The following USP6NL variants were observed in gnomAD, a reference collection of about 807,000 sequenced individuals.
USP6NL encodes USP6 N-terminal like, also known as USP6 N-terminal-like protein.
In USP6NL, 26 loss-of-function variants were observed where a neutral mutation model predicts 61.9. That is an observed-to-expected ratio of 0.42 (90% CI 0.31 to 0.58). The LOEUF (loss-of-function observed/expected upper bound fraction) is 0.58. USP6NL is among the 20% of genes least tolerant of loss of function. The pLI is 0.16. For missense variants in USP6NL, 1,114 were observed against 1,034.3 expected, an observed-to-expected ratio of 1.08 and a Z score of -1.06; for synonymous variants, 432 against 390.1, an observed-to-expected ratio of 1.11 and a Z score of -1.27.
rs1385883805 is a variant in USP6NL at position 11,575,680 on chromosome 10, C to A, written c.4+21951G>T. On this transcript the variant is annotated intron_variant, in intron 2 of 14. Coordinates refer to ENST00000609104, the MANE Select transcript of USP6NL (RefSeq NM_014688.5). This position sits in a 1 kb window ranked among gnomAD's most constrained non-coding sequence, Gnocchi z 4.2. ...GTTCACTACTGTCAATGCTTAGCTTCTGCTAAGCAATCAATAGCTTTTTCT... is the reference window on the plus strand; with the variant it reads ...GTTCACTACTGTCAATGCTTAGCTTATGCTAAGCAATCAATAGCTTTTTCT... 2.0e-5 allele frequency among the ~76,000 whole-genome samples: 3 copies of A among 152,214 alleles called. No individual in the cohort carries two copies.
At chr10:11,519,257 T>C (rs1835101835) in intron 4 of USP6NL, among the ~76,000 whole-genome samples, 1 of 152,212 alleles carries the variant, frequency 6.6e-6, no homozygotes, top group Non-Finnish European at 1.5e-5. Context: ...TAATCAATGA[T>C]TGTTTAAAAA....
intron 4 of USP6NL, among the ~76,000 whole-genome samples, chr10:11,521,715 T>G (rs1835215528): frequency 6.6e-6 from 1 of 150,910 alleles, no homozygotes; most frequent in Non-Finnish European, 1.5e-5. Context: ...ACCTTTATTC[T>G]GCATATCATA....
intron 2 of USP6NL, among the ~76,000 whole-genome samples, chr10:11,554,303 A>G (rs989679476): frequency 1.3e-5 from 2 of 152,228 alleles, no homozygotes; most frequent in African/African-American, 4.8e-5. Context: ...GATCCTACAG[A>G]AAAAGAAAGC....
chr10:11,506,903 C>T (rs1054075698), intron 6 of USP6NL, among the ~76,000 whole-genome samples: 1 of 152,046 alleles, frequency 6.6e-6, no homozygotes, highest in Non-Finnish European at 1.5e-5. Flanking sequence ...AAAAAAAATG[C>T]TAGTTTTTTT....
rs1835712577 is a variant in USP6NL, at chr10:11,532,868, A to G, written c.5-5301T>C. Among the ~76,000 whole-genome samples, 1 of 152,262 alleles carries G rather than the reference A, an allele frequency of 6.6e-6. No individual in the cohort carries two copies. Among genetic ancestry groups the G allele is most frequent in the South Asian group, 2.1e-4 (1 of 4,830 alleles). ...CGTTTTTAACAAACCACACACACAT[A>G]CAAGTAAAACAAATGTCTCATGAAA... On this transcript the variant is annotated intron_variant, in intron 2 of 14. Coordinates refer to ENST00000609104, the MANE Select transcript of USP6NL (RefSeq NM_014688.5). The surrounding 1 kb of genome is among the most constrained non-coding windows in gnomAD (Gnocchi z 4.1).
At position 11,487,565 on chromosome 10, in the gene USP6NL, G is replaced by GC. The variant is rs1466468366; in HGVS notation, c.664+1536dup. On this transcript the variant is annotated intron_variant, in intron 10 of 14. Transcript: ENST00000609104. This position sits in a 1 kb window ranked among gnomAD's most constrained non-coding sequence, Gnocchi z 4.2. ...TTCTATTGTACCTCAAGACAGATCA[G>GC]CAACACAATCCCACGGGAAAGCAAA... is the stretch of plus-strand genomic sequence containing the variant. 6.6e-6 allele frequency among the ~76,000 whole-genome samples: 1 copy of GC among 152,170 alleles called. No individual in the cohort carries two copies. The highest frequency in any genetic ancestry group is 2.4e-5 in the African/African-American group (1 of 41,424).
At position 11,585,372 on chromosome 10, in the gene USP6NL, G is replaced by A. The variant is rs567707505; in HGVS notation, c.4+12259C>T. ...TACAGACCCAGAAGAATTGAAAGCA[G>A]GGTTCCAAAGATGTATTTGTACACC... On this transcript the variant is annotated intron_variant, in intron 2 of 14. Coordinates refer to ENST00000609104, the MANE Select transcript of USP6NL (RefSeq NM_014688.5). The surrounding 1 kb of genome is among the most constrained non-coding windows in gnomAD (Gnocchi z 4.5). 3.3e-5 allele frequency among the ~76,000 whole-genome samples: 5 copies of A among 152,290 alleles called. No individual in the cohort carries two copies. In the South Asian group the frequency reaches 1.0e-3, roughly 32 times the overall value.
At chr10:11,533,838 A>C (rs751368824) in intron 2 of USP6NL, among the ~76,000 whole-genome samples, 1 of 152,206 alleles carries the variant, frequency 6.6e-6, no homozygotes, top group Non-Finnish European at 1.5e-5. Context: ...TCTTTGAAAA[A>C]AGAATTTGAG....
rs1564249935 is a variant in USP6NL, at chr10:11,611,634, C to A, written c.-275G>T. The A allele has an allele frequency of 6.5e-6, 1 of 152,844 alleles. No homozygotes were observed. The highest frequency in any genetic ancestry group is 2.4e-5 in the African/African-American group (1 of 41,400). The allele number at this position is 152,844 out of a possible 1,614,324, so 9.5% of individuals were successfully genotyped here. A position where few individuals can be genotyped will look rare whatever the true frequency, so the allele number is the denominator to read the frequency against. On this transcript the variant is annotated 5_prime_UTR_variant, in exon 1 of 15. Transcript: ENST00000609104. The surrounding 1 kb of genome is among the most constrained non-coding windows in gnomAD (Gnocchi z 5.3). ...AACCAGGAAGTTCCCCGGCGCGACA[C>A]CTCCTGCCGCCGCTATGGAAACGGC...
Position 11,532,204 on chromosome 10 carries a change from TG to T in USP6NL, c.5-4638del. On this transcript the variant is annotated intron_variant, in intron 2 of 14. Transcript: ENST00000609104. This position sits in a 1 kb window ranked among gnomAD's most constrained non-coding sequence, Gnocchi z 4.1. ...CTTTGTGAGATAATCAGTCTGGCCT[TG>T]GGAATTAACAACAGCTTCAGTCCTC... 6.2e-7 allele frequency: 1 copy of T among 1,604,012 alleles called. No homozygotes were observed. The highest frequency in any genetic ancestry group is 8.5e-7 in the Non-Finnish European group (1 of 1,174,472).
chr10:11,554,975 T>TTTTTTTTTTTTTTTTTTTTTC (rs1836627419), intron 2 of USP6NL, among the ~76,000 whole-genome samples: 1 of 147,560 alleles, frequency 6.8e-6, no homozygotes, highest in African/African-American at 2.5e-5. Flanking sequence ...AATTTTTTTT[T>TTTTTTTTTTTTTTTTTTTTTC]TTTTTTTTTT....
At position 11,598,879 on chromosome 10, in the gene USP6NL, G is replaced by C. The variant is rs1385383755; in HGVS notation, c.-83-1162C>G. On this transcript the variant is annotated intron_variant, in intron 1 of 14. Transcript: ENST00000609104. This position sits in a 1 kb window ranked among gnomAD's most constrained non-coding sequence, Gnocchi z 4.7. ...GACTGCATCAGCACTTACGTGCCCA[G>C]CATGGCCCGCACACTGTAATTAGCA... Among the ~76,000 whole-genome samples, 1 of 152,238 alleles carries C rather than the reference G, an allele frequency of 6.6e-6. No individual in the cohort carries two copies. Among genetic ancestry groups the C allele is most frequent in the East Asian group, 1.9e-4 (1 of 5,198 alleles).
chr10:11,539,604 A>G (rs1186237396), intron 2 of USP6NL, among the ~76,000 whole-genome samples: 2 of 152,256 alleles, frequency 1.3e-5, no homozygotes, highest in African/African-American at 4.8e-5. Flanking sequence ...GAATGACAAA[A>G]TTGCCAACAA....
chr10:11,478,689 G>C lies in USP6NL; in HGVS notation c.1078+3081C>G, dbSNP rs113981446. On this transcript the variant is annotated intron_variant, in intron 14 of 14. Coordinates refer to ENST00000609104, the MANE Select transcript of USP6NL (RefSeq NM_014688.5). This position sits in a 1 kb window ranked among gnomAD's most constrained non-coding sequence, Gnocchi z 6.8. ...GGAGGCTGAGGTGGGCAGATTGCTT[G>C]AGTCCAGGAGTCTGAGACCAGCCTG... Among the ~76,000 whole-genome samples the C allele has an allele frequency of 1.3e-5, 2 of 152,136 alleles. No individual in the cohort carries two copies. Among genetic ancestry groups the C allele is most frequent in the Non-Finnish European group, 2.9e-5 (2 of 68,022 alleles).
At position 11,489,586 on chromosome 10, in the gene USP6NL, G is replaced by A. The variant is rs1833625269; in HGVS notation, c.544-364C>T. 6.6e-6 allele frequency among the ~76,000 whole-genome samples: 1 copy of A among 152,116 alleles called. No homozygotes were observed. Among genetic ancestry groups the A allele is most frequent in the Non-Finnish European group, 1.5e-5 (1 of 68,022 alleles). ...AAAGTCTCCCCTTCTACAACACCCAGTATGCTGTCTTGTCTCCTCTAGATT... is the reference window on the plus strand; with the variant it reads ...AAAGTCTCCCCTTCTACAACACCCAATATGCTGTCTTGTCTCCTCTAGATT... On this transcript the variant is annotated intron_variant, in intron 9 of 14. Transcript: ENST00000609104. This position sits in a 1 kb window ranked among gnomAD's most constrained non-coding sequence, Gnocchi z 5.7.
chr10:11,524,427 A>C (rs1835340675), intron 4 of USP6NL, among the ~76,000 whole-genome samples: 3 of 152,238 alleles, frequency 2.0e-5, no homozygotes. Context: ...AAATGGCTAC[A>C]TGACCAGAGA....
intron 2 of USP6NL, among the ~76,000 whole-genome samples, chr10:11,545,435 C>T (rs1426896798): frequency 6.6e-6 from 1 of 152,230 alleles, no homozygotes; most frequent in Non-Finnish European, 1.5e-5. Context: ...GGGTGCTGAG[C>T]AGAAAGAGGT....
In USP6NL at chr10:11,460,901, A is replaced by G. The variant is rs963004303; in HGVS notation, c.*1540T>C. On this transcript the variant is annotated 3_prime_UTR_variant, in exon 15 of 15. Coordinates refer to ENST00000609104, the MANE Select transcript of USP6NL (RefSeq NM_014688.5). ...TTTCAATGTAGTGTTTAGCTTTAAT[A>G]CACTGCACTTGTTTTGCTATTTAAT... 1.3e-5 allele frequency: 2 copies of G among 152,296 alleles called. No individual in the cohort carries two copies. Among genetic ancestry groups the G allele is most frequent in the African/African-American group, 2.4e-5 (1 of 41,442 alleles). 9.4% of individuals were successfully genotyped at this position (152,296 alleles called of 1,614,324 possible). A position where few individuals can be genotyped will look rare whatever the true frequency, so the allele number is the denominator to read the frequency against.
At chr10:11,503,514 A>G (rs571500328) in intron 6 of USP6NL, among the ~76,000 whole-genome samples, 1 of 152,332 alleles carries the variant, frequency 6.6e-6, no homozygotes, top group South Asian at 2.1e-4. Flanking sequence ...ACTAGTACAG[A>G]GCTAAAATTA....
Sources: allele counts gnomAD v4.1 joint callset (sites outside exome capture counted in the v4.1 genomes callset), GRCh38; gene constraint gnomAD v4.1.1; non-coding constraint Gnocchi (gnomAD v3.1); transcripts MANE v1.5; gene names NCBI Gene and HGNC (gene_info 2026-07-23, HGNC 2026-07-21).